The following NIPSNAP2 variants were observed in gnomAD, a reference collection of about 807,000 sequenced individuals.
NIPSNAP2 encodes the protein protein NipSnap homolog 2.
Under a neutral mutation model 48.4 loss-of-function variants are expected in NIPSNAP2, and 42 were observed. That is an observed-to-expected ratio of 0.87 (90% confidence interval 0.68 to 1.12). The LOEUF (loss-of-function observed/expected upper bound fraction) is 1.12. NIPSNAP2 is among the 50% of genes most tolerant of loss of function. NIPSNAP2 has a pLI of 0.00. For synonymous variants in NIPSNAP2, 158 were observed against 126.6 expected, an observed-to-expected ratio of 1.25 and a Z score of -1.67; for missense variants, 314 against 347.3, an observed-to-expected ratio of 0.90 and a Z score of 0.76.
intron 7 of NIPSNAP2, among the ~76,000 whole-genome samples, chr7:55,993,575 TAAAAAA>T (rs11317055): frequency 4.1e-5 from 5 of 121,016 alleles, no homozygotes; most frequent in Middle Eastern, 4.5e-3. Context: ...AGACTCCATC[TAAAAAA>T]AAAAAAAAAA....
intron 7 of NIPSNAP2, among the ~76,000 whole-genome samples, chr7:55,986,708 T>C (rs1787335239): frequency 6.8e-6 from 1 of 147,572 alleles, no homozygotes. Flanking sequence ...AAAAAAAATT[T>C]AATTAAAAAG....
intron 1 of NIPSNAP2, among the ~76,000 whole-genome samples, chr7:55,976,842 G>A (rs1787115506): frequency 6.6e-6 from 1 of 152,036 alleles, no homozygotes; most frequent in Non-Finnish European, 1.5e-5. Flanking sequence ...GAACTACAGT[G>A]AGCTATCGCA....
intron 5 of NIPSNAP2, 56 bp downstream of exon 5, chr7:55,982,336 A>G (rs1228047964): frequency 6.8e-6 from 7 of 1,027,788 alleles, no homozygotes; most frequent in Non-Finnish European, 1.0e-5. Context: ...GTTAGTACAG[A>G]ATTAAATGAC....
chr7:55,971,143 C>T (rs867160927), intron 1 of NIPSNAP2, among the ~76,000 whole-genome samples: 1 of 152,152 alleles, frequency 6.6e-6, no homozygotes, highest in Non-Finnish European at 1.5e-5. Flanking sequence ...GTTAAGAACC[C>T]AGGCCCAAGC....
chr7:55,978,963 A>G lies in NIPSNAP2; in HGVS notation c.278+568A>G, dbSNP rs13242635. ...GTAAACTTTAAGACGAAAGGGGAGA[A>G]CTAAGCTTACCAGCTTTTAAGTTAA... On this transcript the variant is annotated intron_variant, in intron 3 of 9. Coordinates refer to ENST00000322090, the MANE Select transcript of NIPSNAP2 (RefSeq NM_001483.3). 3.8e-3 allele frequency: 583 copies of G among 152,632 alleles called. 4 individuals are homozygous for G. Among genetic ancestry groups the G allele is most frequent in the Non-Finnish European group, 6.9e-3 (469 of 68,258 alleles). 9.5% of individuals were successfully genotyped at this position (152,632 alleles called of 1,614,324 possible).
At chr7:55,968,675 G>A (rs1034665439) in intron 1 of NIPSNAP2, among the ~76,000 whole-genome samples, 7 of 152,260 alleles carry the variant, frequency 4.6e-5, no homozygotes, top group East Asian at 1.9e-4. Context: ...GATTATAGGC[G>A]TGAGCCACTG....
chr7:55,979,644 T>C, intron 3 of NIPSNAP2: 1 of 391,296 alleles, frequency 2.6e-6, no homozygotes, highest in Non-Finnish European at 5.1e-6. Flanking sequence ...GGCTCCAAGC[T>C]ATACCTGTGT....
intron 1 of NIPSNAP2, among the ~76,000 whole-genome samples, chr7:55,968,299 T>C (rs1247085392): frequency 6.6e-6 from 1 of 152,134 alleles, no homozygotes; most frequent in Non-Finnish European, 1.5e-5. Flanking sequence ...GATGTGATGA[T>C]AGCATTGTAG....
rs1041592841 is a variant in NIPSNAP2, at chr7:55,999,452, A to G, written c.*380A>G. On this transcript the variant is annotated 3_prime_UTR_variant, in exon 10 of 10. Coordinates refer to ENST00000322090, the MANE Select transcript of NIPSNAP2 (RefSeq NM_001483.3). ...AAAAACCAAAAAACAAATCTGTTTT[A>G]TAATCACAGATTTTTAGACAAATTT... is the stretch of plus-strand genomic sequence containing the variant. 1 of 161,566 alleles carries G rather than the reference A, an allele frequency of 6.2e-6. No individual in the cohort carries two copies. Among genetic ancestry groups the G allele is most frequent in the Non-Finnish European group, 1.3e-5 (1 of 74,204 alleles). The allele number at this position is 161,566 out of a possible 1,614,324, so 10.0% of individuals were successfully genotyped here.
At chr7:55,969,790 T>C (rs549722860) in intron 1 of NIPSNAP2, among the ~76,000 whole-genome samples, 3 of 152,070 alleles carry the variant, frequency 2.0e-5, no homozygotes, top group Non-Finnish European at 4.4e-5. Context: ...GAGACCATCC[T>C]GGCTAACATG....
intron 7 of NIPSNAP2, 142 bp from the exon 8 acceptor site, chr7:55,994,752 T>C: frequency 1.4e-6 from 1 of 702,030 alleles, no homozygotes; most frequent in Non-Finnish European, 2.6e-6. Flanking sequence ...TTGATTTGCC[T>C]TAGATAACTT....
intron 1 of NIPSNAP2, among the ~76,000 whole-genome samples, chr7:55,966,378 A>C (rs1261714661): frequency 6.6e-6 from 1 of 152,136 alleles, no homozygotes; most frequent in African/African-American, 2.4e-5. Flanking sequence ...AGGTTGCGGC[A>C]GGAGGATTGC....
chr7:55,995,832 T>C (rs1243971601), intron 8 of NIPSNAP2, among the ~76,000 whole-genome samples: 2 of 152,178 alleles, frequency 1.3e-5, no homozygotes, highest in Non-Finnish European at 2.9e-5. Flanking sequence ...ACAGACCTCT[T>C]GTCTCTGCCC....
intron 7 of NIPSNAP2, among the ~76,000 whole-genome samples, chr7:55,987,006 A>C (rs796761875): frequency 0.16 from 21,679 of 136,994 alleles, 2,184 homozygotes; most frequent in Non-Finnish European, 0.22. Flanking sequence ...AAAAAAAAAA[A>C]AAAACTTGCC....
chr7:55,979,315 C>T, intron 3 of NIPSNAP2: 1 of 153,364 alleles, frequency 6.5e-6, no homozygotes, highest in Admixed American at 6.4e-5. Context: ...CGATGTTGTC[C>T]TGGATTACCT....
chr7:55,988,255 C>CA (rs869211947), intron 7 of NIPSNAP2, among the ~76,000 whole-genome samples: 41 of 150,164 alleles, frequency 2.7e-4, no homozygotes, highest in African/African-American at 6.3e-4. Context: ...GACCCTGTAT[C>CA]AAAAAAAAAA....
Position 55,995,003 on chromosome 7 carries a change from C to G in NIPSNAP2, c.712+15C>G, listed in dbSNP as rs759353199. 6.2e-7 allele frequency: 1 copy of G among 1,602,404 alleles called. No homozygotes were observed. The highest frequency in any genetic ancestry group is 8.6e-7 in the Non-Finnish European group (1 of 1,169,334). ...CCATCTTTGGGGTATCTGTTTTTCC[C>G]TTTTCGAGTTACTGGGATTTAAGAG... On this transcript the variant is annotated intron_variant, in intron 8 of 9. Transcript: ENST00000322090.
At chr7:55,998,780 A>T (rs1485837726) in intron 9 of NIPSNAP2, among the ~76,000 whole-genome samples, 1 of 152,020 alleles carries the variant, frequency 6.6e-6, no homozygotes, top group Non-Finnish European at 1.5e-5. Flanking sequence ...ATTACAGGTG[A>T]TCTGCGCCCA....
At chr7:55,965,669 C>T (rs1786878790) in intron 1 of NIPSNAP2, among the ~76,000 whole-genome samples, 1 of 152,110 alleles carries the variant, frequency 6.6e-6, no homozygotes, top group Admixed American at 6.6e-5. Flanking sequence ...CAACCTCCGC[C>T]TCCCGGGTTC....
Sources: allele counts gnomAD v4.1 joint callset (sites outside exome capture counted in the v4.1 genomes callset), GRCh38; gene constraint gnomAD v4.1.1; transcripts MANE v1.5; gene names NCBI Gene and HGNC (gene_info 2026-07-23, HGNC 2026-07-21).